The following PTPRD variants were observed in gnomAD, a reference collection of about 807,000 sequenced individuals.
PTPRD encodes the protein protein tyrosine phosphatase receptor type D, also known as receptor-type tyrosine-protein phosphatase delta.
Under a neutral mutation model 214.5 loss-of-function variants are expected in PTPRD, and 34 were observed. That is an observed-to-expected ratio of 0.16 (90% CI 0.12 to 0.21). The LOEUF is 0.21. Among genes scored for constraint, PTPRD ranks in the 10% least tolerant of loss-of-function variants. The pLI is 1.00. For missense variants in PTPRD, 2,545 were observed against 2,398.7 expected (o/e 1.06, Z -1.27); for synonymous variants, 1,128 against 845.7 (o/e 1.33, Z -5.79).
chr9:9,294,085 G>C (rs975851968), intron 9 of PTPRD, among the ~76,000 whole-genome samples: 1 of 151,648 alleles, frequency 6.6e-6, no homozygotes. Flanking sequence ...TGACTAATTG[G>C]AGGGCACTGT....
At chr9:9,730,499 T>A (rs1208261597) in intron 7 of PTPRD, among the ~76,000 whole-genome samples, 1 of 152,102 alleles carries the variant, frequency 6.6e-6, no homozygotes, top group African/African-American at 2.4e-5. Flanking sequence ...TATTTCCCCT[T>A]GGATTTAAAG....
intron 2 of PTPRD, among the ~76,000 whole-genome samples, chr9:10,537,798 A>T (rs2135109559): frequency 6.6e-6 from 1 of 152,300 alleles, no homozygotes; most frequent in Admixed American, 6.6e-5. Flanking sequence ...ACATGACTTA[A>T]ACTGAAACAA....
At chr9:8,590,089 G>C (rs1054668676) in intron 14 of PTPRD, among the ~76,000 whole-genome samples, 2 of 152,096 alleles carry the variant, frequency 1.3e-5, no homozygotes, top group East Asian at 1.9e-4. Flanking sequence ...AGGGTACATA[G>C]ATATTATATC....
At chr9:9,325,516 T>C (rs1470956457) in intron 9 of PTPRD, among the ~76,000 whole-genome samples, 2 of 152,186 alleles carry the variant, frequency 1.3e-5, no homozygotes, top group South Asian at 2.1e-4. Context: ...TGTATAGGAA[T>C]GCTTGTTATT....
intron 2 of PTPRD, among the ~76,000 whole-genome samples, chr9:10,609,246 G>T (rs889337213): frequency 3.9e-5 from 6 of 151,998 alleles, no homozygotes; most frequent in African/African-American, 1.4e-4. Flanking sequence ...CACATGGATA[G>T]ATATATTTAA....
intron 4 of PTPRD, among the ~76,000 whole-genome samples, chr9:9,992,105 T>C (rs2095956898): frequency 6.6e-6 from 1 of 152,168 alleles, no homozygotes; most frequent in Non-Finnish European, 1.5e-5. Flanking sequence ...GGCGGTAGAA[T>C]GGACGAGACT....
intron 9 of PTPRD, among the ~76,000 whole-genome samples, chr9:9,241,042 G>A (rs1404000467): frequency 6.6e-6 from 1 of 152,074 alleles, no homozygotes; most frequent in Non-Finnish European, 1.5e-5. Flanking sequence ...AGAATTTTCA[G>A]AGCTCTAATA....
intron 33 of PTPRD, among the ~76,000 whole-genome samples, chr9:8,455,210 GT>G (rs2133860689): frequency 1.3e-5 from 2 of 152,250 alleles, no homozygotes; most frequent in South Asian, 4.2e-4. Flanking sequence ...TGCATCTTCA[GT>G]TTAGGAAAAT....
At chr9:10,036,894 T>TTATG (rs1180605872) in intron 3 of PTPRD, among the ~76,000 whole-genome samples, 6 of 145,454 alleles carry the variant, frequency 4.1e-5, no homozygotes, top group African/African-American at 1.7e-4. Context: ...ATTTATTTAT[T>TTATG]TATTTATTTA....
At chr9:10,369,598 G>GA (rs2097574338) in intron 2 of PTPRD, among the ~76,000 whole-genome samples, 1 of 151,930 alleles carries the variant, frequency 6.6e-6, no homozygotes, top group Non-Finnish European at 1.5e-5. Context: ...ACCCTAAAAG[G>GA]AAAAAATTCC....
At chr9:10,165,781 A>G (rs2154292866) in intron 3 of PTPRD, among the ~76,000 whole-genome samples, 1 of 151,406 alleles carries the variant, frequency 6.6e-6, no homozygotes, top group Non-Finnish European at 1.5e-5. Flanking sequence ...TCTTAAAAAA[A>G]ACCATACTGT....
chr9:10,498,582 C>G (rs2027177), intron 2 of PTPRD, among the ~76,000 whole-genome samples: 43,123 of 151,524 alleles, frequency 0.28, 6,911 homozygotes, highest in Non-Finnish European at 0.36. Flanking sequence ...TTAAGATATA[C>G]GCATTTTTGT....
At chr9:9,954,899 G>T (rs1043015827) in intron 4 of PTPRD, among the ~76,000 whole-genome samples, 1 of 151,974 alleles carries the variant, frequency 6.6e-6, no homozygotes, top group African/African-American at 2.4e-5. Flanking sequence ...TATTCAAAAC[G>T]AGATTCACGA....
At chr9:8,368,815 C>T (rs569175444) in intron 39 of PTPRD, among the ~76,000 whole-genome samples, 156 of 151,670 alleles carry the variant, frequency 1.0e-3, no homozygotes, top group African/African-American at 3.6e-3. Flanking sequence ...TCATAAACTA[C>T]GCATTTGCTT....
chr9:10,605,246 A>C (rs2078993721), intron 2 of PTPRD, among the ~76,000 whole-genome samples: 1 of 151,840 alleles, frequency 6.6e-6, no homozygotes, highest in African/African-American at 2.4e-5. Flanking sequence ...AGAAAACCAA[A>C]GCACTTCTGC....
chr9:8,844,081 G>A (rs1040701102), intron 11 of PTPRD, among the ~76,000 whole-genome samples: 2 of 152,188 alleles, frequency 1.3e-5, no homozygotes, highest in African/African-American at 4.8e-5. Flanking sequence ...GAAACATAAT[G>A]TAATCTGTCA....
intron 11 of PTPRD, among the ~76,000 whole-genome samples, chr9:8,969,002 A>C (rs949983203): frequency 6.6e-6 from 1 of 152,104 alleles, no homozygotes. Flanking sequence ...TTATTAAGCA[A>C]GTCCGATTAA....
intron 5 of PTPRD, among the ~76,000 whole-genome samples, chr9:9,817,375 A>ATGT (rs1275485902): frequency 6.6e-6 from 1 of 152,152 alleles, no homozygotes; most frequent in Non-Finnish European, 1.5e-5. Flanking sequence ...AGGTCAGAGT[A>ATGT]AGGGATGACT....
chr9:10,511,956 AT>A (rs2133826518), intron 2 of PTPRD, among the ~76,000 whole-genome samples: 1 of 82,230 alleles, frequency 1.2e-5, no homozygotes, highest in Non-Finnish European at 2.5e-5. Context: ...ACGTGTGTGT[AT>A]ATATATATAC....
Sources: gnomAD v4.1 joint callset for allele counts (sites outside exome capture counted in the v4.1 genomes callset) on GRCh38, gnomAD v4.1.1 for gene constraint, MANE v1.5 for transcripts, NCBI Gene and HGNC (gene_info 2026-07-23, HGNC 2026-07-21) for gene names.